GLIS3: variants seen among roughly 807,000 people sequenced by gnomAD.
GLIS3 encodes GLIS family zinc finger 3, also known as zinc finger protein GLIS3.
GLIS3 carries 53 observed loss-of-function variants against 78.6 expected under a neutral mutation model. The ratio of observed to expected loss-of-function variants is 0.67; its 90% CI spans 0.54 to 0.85. The LOEUF (loss-of-function observed/expected upper bound fraction) is 0.85. Among genes scored for constraint, GLIS3 ranks in the 40% least tolerant of loss-of-function variants. GLIS3 has a pLI of 0.00. For missense variants in GLIS3, 1,703 were observed against 1,231.1 expected (o/e 1.38, Z -5.74); for synonymous variants, 684 against 509.9 (o/e 1.34, Z -4.60).
chr9:3,844,515 A>C (rs1462872372), intron 9 of GLIS3, among the ~76,000 whole-genome samples: 1 of 152,210 alleles, frequency 6.6e-6, no homozygotes, highest in Non-Finnish European at 1.5e-5. Flanking sequence ...TACTTCCCCC[A>C]AAGAAAGAAA....
At chr9:4,465,423 A>C in the GLIS3 span, among the ~76,000 whole-genome samples, 7 of 152,114 alleles carry the variant, frequency 4.6e-5, no homozygotes, top group Non-Finnish European at 4.4e-5. Flanking sequence ...GTGACACGCA[A>C]CTGTAGTCCC....
At chr9:4,461,253 T>C in the GLIS3 span, among the ~76,000 whole-genome samples, 4 of 152,202 alleles carry the variant, frequency 2.6e-5, no homozygotes, top group African/African-American at 9.6e-5. Flanking sequence ...GGTATTTGTA[T>C]GTCAGCCTTA....
chr9:4,002,592 C>G (rs943952332), intron 4 of GLIS3, among the ~76,000 whole-genome samples: 1 of 152,132 alleles, frequency 6.6e-6, no homozygotes, highest in Non-Finnish European at 1.5e-5. Flanking sequence ...TTGTTTTTCA[C>G]CTGTGACAGA....
At chr9:3,962,280 CT>C (rs912555709) in intron 4 of GLIS3, among the ~76,000 whole-genome samples, 1 of 150,738 alleles carries the variant, frequency 6.6e-6, no homozygotes, top group Non-Finnish European at 1.5e-5. Context: ...TCTTTTCTTC[CT>C]AAAAAGATGC....
the GLIS3 span, among the ~76,000 whole-genome samples, chr9:4,428,738 C>T: frequency 3.0e-3 from 460 of 152,114 alleles, 5 homozygotes; most frequent in African/African-American, 0.011. Flanking sequence ...CCGCAAAAGC[C>T]AAAGCAAGAT....
At chr9:3,989,732 G>A (rs1167658187) in intron 4 of GLIS3, among the ~76,000 whole-genome samples, 2 of 152,194 alleles carry the variant, frequency 1.3e-5, no homozygotes, top group African/African-American at 2.4e-5. Context: ...GGGATGGCAT[G>A]TATAGGAAGT....
chr9:4,084,504 C>T (rs767937268), intron 4 of GLIS3, among the ~76,000 whole-genome samples: 25 of 151,764 alleles, frequency 1.6e-4, no homozygotes, highest in Non-Finnish European at 3.2e-4. Context: ...CACAAGGAGA[C>T]GAGGAGGAGC....
intron 4 of GLIS3, among the ~76,000 whole-genome samples, chr9:4,034,102 G>A (rs916479816): frequency 2.0e-5 from 3 of 151,916 alleles, no homozygotes; most frequent in African/African-American, 7.3e-5. Context: ...GGTGGTGCAT[G>A]TCTGCAGTCC....
At chr9:4,213,814 T>G (rs2131306533) in intron 2 of GLIS3, among the ~76,000 whole-genome samples, 1 of 152,014 alleles carries the variant, frequency 6.6e-6, no homozygotes, top group African/African-American at 2.4e-5. Flanking sequence ...TAAACATTAA[T>G]CAAGCATCTA....
intron 4 of GLIS3, among the ~76,000 whole-genome samples, chr9:4,084,790 G>A (rs544652262): frequency 6.6e-6 from 1 of 152,184 alleles, no homozygotes; most frequent in Admixed American, 6.5e-5. Context: ...GACTGACGCT[G>A]TTTCTAGAAC....
chr9:3,996,149 T>C (rs1820731639), intron 4 of GLIS3, among the ~76,000 whole-genome samples: 1 of 152,136 alleles, frequency 6.6e-6, no homozygotes. Flanking sequence ...TCTATCAAAA[T>C]TGCATGCAAT....
chr9:4,258,168 G>A (rs938729298), intron 2 of GLIS3, among the ~76,000 whole-genome samples: 17 of 151,912 alleles, frequency 1.1e-4, no homozygotes, highest in African/African-American at 3.4e-4. Context: ...AAAAAAATAC[G>A]TCTTTTTTGT....
intron 7 of GLIS3, among the ~76,000 whole-genome samples, chr9:3,892,050 T>C (rs548981588): frequency 6.6e-6 from 1 of 152,246 alleles, no homozygotes; most frequent in East Asian, 1.9e-4. Context: ...CAGTGAAGCT[T>C]ACAGACCCCT....
intron 2 of GLIS3, among the ~76,000 whole-genome samples, chr9:4,132,205 T>G (rs1833031274): frequency 6.6e-6 from 1 of 152,186 alleles, no homozygotes; most frequent in African/African-American, 2.4e-5. Flanking sequence ...ACATGATGTA[T>G]TTGAAACATG....
chr9:4,272,407 A>T (rs1028202406), intron 2 of GLIS3, among the ~76,000 whole-genome samples: 11 of 152,184 alleles, frequency 7.2e-5, no homozygotes, highest in African/African-American at 2.7e-4. Context: ...CCAAAAAACA[A>T]AACAACATCC....
At chr9:4,034,233 G>GT (rs1292969883) in intron 4 of GLIS3, among the ~76,000 whole-genome samples, 3 of 151,848 alleles carry the variant, frequency 2.0e-5, no homozygotes, top group Non-Finnish European at 2.9e-5. Context: ...AAAAAAAGTC[G>GT]TAACAGATCC....
chr9:4,128,086 T>A (rs375848873), intron 2 of GLIS3, among the ~76,000 whole-genome samples: 5 of 152,360 alleles, frequency 3.3e-5, no homozygotes, highest in African/African-American at 7.2e-5. Context: ...TTAGAGCCAA[T>A]ACAAACTAAT....
the GLIS3 span, among the ~76,000 whole-genome samples, chr9:4,358,629 G>A: frequency 1.3e-5 from 2 of 152,156 alleles, no homozygotes; most frequent in Non-Finnish European, 2.9e-5. Flanking sequence ...TGGGAGTTTT[G>A]CAGTCTGTGC....
chr9:4,264,731 C>G (rs1032209268), intron 2 of GLIS3, among the ~76,000 whole-genome samples: 3 of 152,132 alleles, frequency 2.0e-5, no homozygotes, highest in Non-Finnish European at 4.4e-5. Flanking sequence ...TTGTTTCTCC[C>G]TATAGCACTT....
Sources: gnomAD v4.1 joint callset for allele counts (sites outside exome capture counted in the v4.1 genomes callset) on GRCh38, gnomAD v4.1.1 for gene constraint, MANE v1.5 for transcripts, NCBI Gene and HGNC (gene_info 2026-07-23, HGNC 2026-07-21) for gene names.